ADGRB3: variants seen among roughly 807,000 people sequenced by gnomAD.
ADGRB3 encodes brain-specific angiogenesis inhibitor 3.
A neutral mutation model predicts 193.4 loss-of-function variants in ADGRB3; 37 were observed. The ratio of observed to expected loss-of-function variants is 0.19; its 90% CI spans 0.15 to 0.25. The LOEUF (loss-of-function observed/expected upper bound fraction) is 0.25. Ranked by LOEUF, ADGRB3 falls within the 10% of genes least tolerant of loss-of-function variation. ADGRB3 has a pLI of 1.00. For synonymous variants in ADGRB3, 690 were observed against 644.2 expected (o/e 1.07, Z -1.08); for missense variants, 1,637 against 1,852.9 (o/e 0.88, Z 2.14).
At chr6:68,872,154 T>G (rs565703392) in intron 3 of ADGRB3, among the ~76,000 whole-genome samples, 23 of 152,128 alleles carry the variant, frequency 1.5e-4, no homozygotes, top group Non-Finnish European at 2.8e-4. Context: ...GTACCATAAT[T>G]CCAAATATTG....
At chr6:69,315,802 CAAAT>C (rs1270642551) in intron 20 of ADGRB3, among the ~76,000 whole-genome samples, 1 of 151,322 alleles carries the variant, frequency 6.6e-6, no homozygotes, top group African/African-American at 2.4e-5. Flanking sequence ...ATTATCTAAA[CAAAT>C]AATAATTGCT....
chr6:68,849,409 G>A (rs1768352412), intron 3 of ADGRB3, among the ~76,000 whole-genome samples: 1 of 151,772 alleles, frequency 6.6e-6, no homozygotes, highest in Non-Finnish European at 1.5e-5. Flanking sequence ...AATATTGAGG[G>A]AAGAATAAAA....
chr6:69,189,828 A>G (rs527950817), intron 17 of ADGRB3, among the ~76,000 whole-genome samples: 1 of 152,196 alleles, frequency 6.6e-6, no homozygotes, highest in African/African-American at 2.4e-5. Flanking sequence ...ATGTAACCGT[A>G]GTAATGTTGT....
intron 3 of ADGRB3, among the ~76,000 whole-genome samples, chr6:68,858,592 C>CAAAA (rs11458724): frequency 3.6e-4 from 34 of 93,346 alleles, no homozygotes; most frequent in East Asian, 4.4e-4. Flanking sequence ...GACCCTGACT[C>CAAAA]AAAAAAAAAA....
intron 3 of ADGRB3, among the ~76,000 whole-genome samples, chr6:68,689,956 C>G (rs1210971179): frequency 6.6e-6 from 1 of 152,118 alleles, no homozygotes; most frequent in African/African-American, 2.4e-5. Flanking sequence ...ATTATACTCA[C>G]AACTCCTGCA....
At position 68,800,821 on chromosome 6, in the gene ADGRB3, T is replaced by C. The variant is rs559038278; in HGVS notation, c.758-129738T>C. On this transcript the variant is annotated intron_variant, in intron 3 of 31. Transcript: ENST00000370598. ...TACAAAAATAAAAGCATTAATATTA[T>C]GACTTAAGACAGGTACAAACAGCTG... Among the ~76,000 whole-genome samples the C allele has an allele frequency of 4.6e-5, 7 of 152,220 alleles. No homozygotes were observed. The South Asian group carries it at 1.5e-3, about 32-fold the overall frequency.
chr6:69,275,046 T>C (rs960508521), intron 20 of ADGRB3, among the ~76,000 whole-genome samples: 1 of 152,072 alleles, frequency 6.6e-6, no homozygotes, highest in Non-Finnish European at 1.5e-5. Context: ...CAAGGAAAGA[T>C]AGAACAGAAA....
At chr6:68,867,641 A>G (rs1216127962) in intron 3 of ADGRB3, among the ~76,000 whole-genome samples, 1 of 152,232 alleles carries the variant, frequency 6.6e-6, no homozygotes, top group African/African-American at 2.4e-5. Flanking sequence ...CAGACACTCA[A>G]CACAGCCCAT....
chr6:69,078,263 G>A (rs1002675178), intron 17 of ADGRB3, among the ~76,000 whole-genome samples: 3 of 151,826 alleles, frequency 2.0e-5, no homozygotes, highest in South Asian at 2.1e-4. Context: ...AGCAATGCAC[G>A]AGTATTTTTT....
intron 26 of ADGRB3, among the ~76,000 whole-genome samples, chr6:69,340,023 G>A (rs9454732): frequency 0.45 from 67,951 of 151,990 alleles, 17,274 homozygotes; most frequent in African/African-American, 0.69. Context: ...GGTTATGATT[G>A]CTATGGATTA....
chr6:69,165,152 A>G (rs1044616866), intron 17 of ADGRB3, among the ~76,000 whole-genome samples: 1 of 152,020 alleles, frequency 6.6e-6, no homozygotes, highest in African/African-American at 2.4e-5. Context: ...TCAAAAACAA[A>G]CAGTGGTTTT....
At chr6:68,860,915 TA>T (rs1765135477) in intron 3 of ADGRB3, among the ~76,000 whole-genome samples, 1 of 152,208 alleles carries the variant, frequency 6.6e-6, no homozygotes, top group African/African-American at 2.4e-5. Flanking sequence ...GGGGCTACTC[TA>T]AAACTCAACC....
At chr6:69,102,972 C>T (rs916536045) in intron 17 of ADGRB3, among the ~76,000 whole-genome samples, 1 of 152,114 alleles carries the variant, frequency 6.6e-6, no homozygotes, top group Non-Finnish European at 1.5e-5. Flanking sequence ...TTTACTGCTC[C>T]GTTCATGCTG....
intron 31 of ADGRB3, among the ~76,000 whole-genome samples, chr6:69,386,758 C>G (rs1339083382): frequency 6.6e-6 from 1 of 152,062 alleles, no homozygotes; most frequent in Non-Finnish European, 1.5e-5. Flanking sequence ...CATATGTGTT[C>G]GTGGCCAAGC....
chr6:68,921,975 C>A (rs140717749), intron 3 of ADGRB3, among the ~76,000 whole-genome samples: 1 of 151,956 alleles, frequency 6.6e-6, no homozygotes, highest in African/African-American at 2.4e-5. Flanking sequence ...GGATGAGATA[C>A]GCACTTGGTT....
intron 3 of ADGRB3, among the ~76,000 whole-genome samples, chr6:68,756,186 A>G (rs1204784561): frequency 6.6e-6 from 1 of 152,152 alleles, no homozygotes; most frequent in Non-Finnish European, 1.5e-5. Flanking sequence ...ATGCCCCAGG[A>G]GACGGCTGTA....
chr6:68,775,976 G>T (rs954217078), intron 3 of ADGRB3, among the ~76,000 whole-genome samples: 1 of 152,068 alleles, frequency 6.6e-6, no homozygotes. Context: ...ATAAGAATTT[G>T]GGGAGTCGAT....
Position 68,639,081 on chromosome 6 carries a change from A to G in ADGRB3, c.406A>G (p.Thr136Ala). ...TATTCAAATACGTCGAGTATTTCCAACTAATTTCCCAGGATTACAGAAAAA... is the reference window on the plus strand; with the variant it reads ...TATTCAAATACGTCGAGTATTTCCAGCTAATTTCCCAGGATTACAGAAAAA... ...NFIQIRRVFPTNFPGLQKKGE... is the reference protein window; with the variant it reads ...NFIQIRRVFPANFPGLQKKGE... The change falls in exon 3 of 32, where the codon ACT (threonine) becomes GCT (alanine). Residue 136 changes from threonine to alanine, a missense_variant. Transcript: ENST00000370598. 3 of 1,614,134 alleles carry G rather than the reference A, an allele frequency of 1.9e-6. No homozygotes were observed. The highest frequency in any genetic ancestry group is 2.5e-6 in the Non-Finnish European group (3 of 1,180,012).
intron 26 of ADGRB3, among the ~76,000 whole-genome samples, chr6:69,347,092 C>T (rs377401908): frequency 3.3e-5 from 5 of 152,244 alleles, no homozygotes; most frequent in African/African-American, 7.2e-5. Flanking sequence ...TCATTCTCAG[C>T]GAACTAACAC....
Sources: gnomAD v4.1 joint callset for allele counts (sites outside exome capture counted in the v4.1 genomes callset) on GRCh38, gnomAD v4.1.1 for gene constraint, MANE v1.5 for transcripts, NCBI Gene and HGNC (gene_info 2026-07-23, HGNC 2026-07-21) for gene names.